MBLAC1: variants seen among roughly 807,000 people sequenced by gnomAD.
MBLAC1 encodes metallo-beta-lactamase domain-containing protein 1.
Under a neutral mutation model 1.5 loss-of-function variants are expected in MBLAC1, and 1 was observed. The observed-to-expected ratio is 0.68, with a 90% confidence interval of 0.24 to 3.21. MBLAC1 has a LOEUF of 3.21. Among genes scored for constraint, MBLAC1 ranks in the 30% most tolerant of loss-of-function variants. The probability of loss-of-function intolerance (pLI) is 0.20; values close to 1 mark genes in which losing one functional copy is unlikely to be tolerated. For missense variants in MBLAC1, 371 were observed against 384.7 expected, an observed-to-expected ratio of 0.96 and a Z score of 0.30; for synonymous variants, 197 against 191.3, an observed-to-expected ratio of 1.03 and a Z score of -0.25.
Position 100,127,897 on chromosome 7 carries a change from G to A in MBLAC1, c.502G>A (p.Gly168Ser). The A allele has an allele frequency of 6.4e-7, 1 of 1,568,604 alleles. No homozygotes were observed. Among genetic ancestry groups the A allele is most frequent in the Non-Finnish European group, 8.6e-7 (1 of 1,156,262 alleles). The change falls in exon 2 of 2, where the codon GGC becomes AGC. Residue 168 changes from glycine to serine, a missense_variant. Coordinates refer to ENST00000398075, the MANE Select transcript of MBLAC1 (RefSeq NM_203397.3). The surrounding 1 kb of genome is among the most constrained non-coding windows in gnomAD (Gnocchi z 4.6). ...GPGLEVWATP[G>S]HGGQRDVSVV... is the part of the protein sequence containing the mutation. Reference sequence around the variant, plus strand: ...GGGGCTCGAGGTGTGGGCCACGCCGGGCCACGGGGGCCAGCGCGACGTGAG... The same window carrying A: ...GGGGCTCGAGGTGTGGGCCACGCCGAGCCACGGGGGCCAGCGCGACGTGAG...
chr7:100,127,471 C>A lies in MBLAC1; in HGVS notation c.76C>A (p.Gln26Lys). 1.9e-6 allele frequency: 3 copies of A among 1,592,622 alleles called. No homozygotes were observed. The South Asian group carries it at 3.3e-5, about 18-fold the overall frequency. The change falls in exon 2 of 2, where the codon CAG becomes AAG. Residue 26 changes from glutamine to lysine, a missense_variant. Coordinates refer to ENST00000398075, the MANE Select transcript of MBLAC1 (RefSeq NM_203397.3). This position sits in a 1 kb window ranked among gnomAD's most constrained non-coding sequence, Gnocchi z 4.6. ...GDPYSVVVLL[Q>K]GYAEPEGVGD... ...CCCCTACTCTGTGGTGGTTCTGCTG[C>A]AGGGCTACGCGGAGCCAGAGGGTGT...
In MBLAC1 at chr7:100,127,368, C is replaced by T; in HGVS notation, c.-28C>T. ...ACTGCTCCATTTCCTTTCTCCCCAG[C>T]CCGTCCCTCCCTGCCAGGAGCAGCC... On this transcript the variant is annotated splice_region_variant and 5_prime_UTR_variant, in exon 2 of 2. Transcript: ENST00000398075. The surrounding 1 kb of genome is among the most constrained non-coding windows in gnomAD (Gnocchi z 4.6). The T allele has an allele frequency of 1.3e-6, 2 of 1,558,088 alleles. No individual in the cohort carries two copies. The highest frequency in any genetic ancestry group is 1.4e-5 in the African/African-American group (1 of 73,282).
Position 100,128,167 on chromosome 7 carries a change from G to A in MBLAC1, c.772G>A (p.Val258Ile). 2 of 1,600,380 alleles carry A rather than the reference G, an allele frequency of 1.2e-6. No homozygotes were observed. The highest frequency in any genetic ancestry group is 1.7e-6 in the Non-Finnish European group (2 of 1,173,690). Residue 258 changes from valine (V) to isoleucine (I), a missense_variant, in exon 2 of 2, where the codon GTC becomes ATC. By Grantham distance (29) the Val-to-Ile change is conservative (BLOSUM62 3). Coordinates refer to ENST00000398075, the MANE Select transcript of MBLAC1 (RefSeq NM_203397.3). ...AGGGAACAGCCAGCAGGAGCCGGTG[G>A]TCGGAGACGAGGAGCCCGCCCTGCA... is the stretch of plus-strand genomic sequence containing the variant. ...GGGNSQQEPVVGDEEPALH is the reference protein window; with the variant it reads ...GGGNSQQEPVIGDEEPALH
chr7:100,128,175 C>G lies in MBLAC1; in HGVS notation c.780C>G (p.Asp260Glu). 1 of 1,594,756 alleles carries G rather than the reference C, an allele frequency of 6.3e-7. No individual in the cohort carries two copies. The highest frequency in any genetic ancestry group is 8.5e-7 in the Non-Finnish European group (1 of 1,170,692). Reference protein sequence around the residue: ...GNSQQEPVVGDEEPALH With the variant: ...GNSQQEPVVGEEEPALH ...GCCAGCAGGAGCCGGTGGTCGGAGA[C>G]GAGGAGCCCGCCCTGCACTAATCAG... is the stretch of plus-strand genomic sequence containing the variant. Residue 260 changes from aspartate (D) to glutamate (E), a missense_variant, in exon 2 of 2, where the codon GAC (aspartate) becomes GAG (glutamate). Physicochemically the swap from Asp to Glu is conservative, Grantham distance 45. Transcript: ENST00000398075.
chr7:100,127,821 C>T lies in MBLAC1; in HGVS notation c.426C>T (p.Gly142=). The T allele has an allele frequency of 6.4e-7, 1 of 1,569,158 alleles. No homozygotes were observed. Among genetic ancestry groups the T allele is most frequent in the Non-Finnish European group, 8.6e-7 (1 of 1,156,496 alleles). Residue 142 remains glycine, a synonymous_variant, in exon 2 of 2, where the codon GGC becomes GGT. Coordinates refer to ENST00000398075, the MANE Select transcript of MBLAC1 (RefSeq NM_203397.3). This position sits in a 1 kb window ranked among gnomAD's most constrained non-coding sequence, Gnocchi z 4.6. ...CGCACGACTTCTGCCTTCCCGGAGGCCGCTACCTGCCCCACGGGCTGGGTG... is the reference window on the plus strand; with the variant it reads ...CGCACGACTTCTGCCTTCCCGGAGGTCGCTACCTGCCCCACGGGCTGGGTG... ...LVSHDFCLPG[G]RYLPHGLGEG...
chr7:100,127,910 A>C lies in MBLAC1; in HGVS notation c.515A>C (p.Gln172Pro), dbSNP rs201045178. The change falls in exon 2 of 2, where the codon CAG (glutamine) becomes CCG (proline). Residue 172 changes from glutamine to proline, a missense_variant. Gln to Pro is a moderately conservative substitution (Grantham distance 76, BLOSUM62 -1). Transcript: ENST00000398075. The surrounding 1 kb of genome is among the most constrained non-coding windows in gnomAD (Gnocchi z 4.6). ...EVWATPGHGG[Q>P]RDVSVVVAGT... is the part of the protein sequence containing the mutation. ...TGGGCCACGCCGGGCCACGGGGGCCAGCGCGACGTGAGCGTGGTGGTGGCC... is the reference window on the plus strand; with the variant it reads ...TGGGCCACGCCGGGCCACGGGGGCCCGCGCGACGTGAGCGTGGTGGTGGCC... 1.0e-3 allele frequency: 1,602 copies of C among 1,576,926 alleles called. 2 individuals are homozygous for C. The highest frequency in any genetic ancestry group is 3.6e-3 in the Admixed American group (191 of 53,768).
In MBLAC1 at chr7:100,127,971, T is replaced by C. The variant is rs1159795392; in HGVS notation, c.576T>C (p.Asp192=). ...TALGTVVVAG[D]VFERDGDEDS... ...TGGGCACCGTGGTGGTGGCGGGAGATGTGTTTGAGCGAGATGGGGACGAGG... is the reference window on the plus strand; with the variant it reads ...TGGGCACCGTGGTGGTGGCGGGAGACGTGTTTGAGCGAGATGGGGACGAGG... Residue 192 remains aspartate, a synonymous_variant, in exon 2 of 2, where the codon GAT becomes GAC. Coordinates refer to ENST00000398075, the MANE Select transcript of MBLAC1 (RefSeq NM_203397.3). The surrounding 1 kb of genome is among the most constrained non-coding windows in gnomAD (Gnocchi z 4.6). 6.2e-7 allele frequency: 1 copy of C among 1,610,376 alleles called. No individual in the cohort carries two copies. The highest frequency in any genetic ancestry group is 1.1e-5 in the South Asian group (1 of 90,556).
chr7:100,127,330 AG>A lies in MBLAC1; in HGVS notation c.-28-36del, dbSNP rs1228507764. 7.0e-7 allele frequency: 1 copy of A among 1,428,962 alleles called. No individual in the cohort carries two copies. The highest frequency in any genetic ancestry group is 2.7e-5 in the East Asian group (1 of 37,298). The allele number at this position is 1,428,962 out of a possible 1,614,324, so 88.5% of individuals were successfully genotyped here. A position where few individuals can be genotyped will look rare whatever the true frequency, so the allele number is the denominator to read the frequency against. ...CGCGGGTGGGGGATCGCGGAGGGACAGGACGGTCGCCCACTGCTCCATTTCC... is the reference window on the plus strand; with the variant it reads ...CGCGGGTGGGGGATCGCGGAGGGACAGACGGTCGCCCACTGCTCCATTTCC... On this transcript the variant is annotated intron_variant, in intron 1 of 1. Coordinates refer to ENST00000398075, the MANE Select transcript of MBLAC1 (RefSeq NM_203397.3). The surrounding 1 kb of genome is among the most constrained non-coding windows in gnomAD (Gnocchi z 4.6).
Position 100,127,626 on chromosome 7 carries a change from T to C in MBLAC1, c.231T>C (p.Arg77=), listed in dbSNP as rs1798260340. 1 of 1,396,700 alleles carries C rather than the reference T, an allele frequency of 7.2e-7. No individual in the cohort carries two copies. Among genetic ancestry groups the C allele is most frequent in the Non-Finnish European group, 9.2e-7 (1 of 1,081,744 alleles). 86.5% of individuals were successfully genotyped at this position (1,396,700 alleles called of 1,614,324 possible). A position where few individuals can be genotyped will look rare whatever the true frequency, so the allele number is the denominator to read the frequency against. The change falls in exon 2 of 2, where the codon CGT becomes CGC. Residue 77 remains arginine (R), a synonymous_variant. Transcript: ENST00000398075. This position sits in a 1 kb window ranked among gnomAD's most constrained non-coding sequence, Gnocchi z 4.6. The part of the protein sequence containing the change: ...GAEAALEEAA[R]GPILVDTGGP... ...AGGCCGCCCTGGAGGAGGCGGCCCG[T>C]GGCCCCATCCTGGTGGACACCGGGG...
chr7:100,126,984 A>C lies in MBLAC1; in HGVS notation c.-109A>C, dbSNP rs1254830864. 1 of 168,120 alleles carries C rather than the reference A, an allele frequency of 5.9e-6. No individual in the cohort carries two copies. Among genetic ancestry groups the C allele is most frequent in the Non-Finnish European group, 1.3e-5 (1 of 78,306 alleles). The allele number at this position is 168,120 out of a possible 1,614,324, so 10.4% of individuals were successfully genotyped here. On this transcript the variant is annotated 5_prime_UTR_variant, in exon 1 of 2. Coordinates refer to ENST00000398075, the MANE Select transcript of MBLAC1 (RefSeq NM_203397.3). ...CGGCCGCCATATCTGGGTACACGGG[A>C]ACCGCAGAGGACAAACTCTCACCCG...
chr7:100,127,469 T>C lies in MBLAC1; in HGVS notation c.74T>C (p.Leu25Pro), dbSNP rs750262314. 1.9e-6 allele frequency: 3 copies of C among 1,593,240 alleles called. No homozygotes were observed. Among genetic ancestry groups the C allele is most frequent in the Non-Finnish European group, 1.7e-6 (2 of 1,177,460 alleles). The stretch of plus-strand genomic sequence containing the variant: ...GACCCCTACTCTGTGGTGGTTCTGC[T>C]GCAGGGCTACGCGGAGCCAGAGGGT... Reference protein sequence around the residue: ...PGDPYSVVVLLQGYAEPEGVG... With the variant: ...PGDPYSVVVLPQGYAEPEGVG... The change falls in exon 2 of 2, where the codon CTG becomes CCG. Residue 25 changes from leucine (L) to proline (P), a missense_variant. Leu to Pro is a moderately conservative substitution (Grantham distance 98). Transcript: ENST00000398075. This position sits in a 1 kb window ranked among gnomAD's most constrained non-coding sequence, Gnocchi z 4.6.
Position 100,127,250 on chromosome 7 carries a change from T to C in MBLAC1, c.-28-118T>C, listed in dbSNP as rs1798247514. 1 of 767,172 alleles carries C rather than the reference T, an allele frequency of 1.3e-6. No homozygotes were observed. Among genetic ancestry groups the C allele is most frequent in the East Asian group, 3.1e-5 (1 of 32,192 alleles). 47.5% of individuals were successfully genotyped at this position (767,172 alleles called of 1,614,324 possible). On this transcript the variant is annotated intron_variant, in intron 1 of 1. Transcript: ENST00000398075. This position sits in a 1 kb window ranked among gnomAD's most constrained non-coding sequence, Gnocchi z 4.6. The stretch of plus-strand genomic sequence containing the variant: ...GGCAGGGGTTGAGGGTGATACCAAC[T>C]TAATGGGAGGCGGGTGGCAGAGAAC...
Position 100,127,512 on chromosome 7 carries a change from C to A in MBLAC1, c.117C>A (p.Arg39=), listed in dbSNP as rs1481736161. Residue 39 remains arginine, a synonymous_variant, in exon 2 of 2, where the codon CGC becomes CGA. Coordinates refer to ENST00000398075, the MANE Select transcript of MBLAC1 (RefSeq NM_203397.3). This position sits in a 1 kb window ranked among gnomAD's most constrained non-coding sequence, Gnocchi z 4.6. The part of the protein sequence containing the change: ...AEPEGVGDAV[R]ADGSVTLVLP... ...CAGAGGGTGTGGGCGATGCCGTGCG[C>A]GCCGACGGCTCCGTGACCCTGGTCC... 1.3e-6 allele frequency: 2 copies of A among 1,572,984 alleles called. No individual in the cohort carries two copies. The highest frequency in any genetic ancestry group is 2.8e-5 in the African/African-American group (2 of 72,236).
chr7:100,127,411 C>T lies in MBLAC1; in HGVS notation c.16C>T (p.Leu6=). The T allele has an allele frequency of 6.3e-7, 1 of 1,592,638 alleles. No individual in the cohort carries two copies. The highest frequency in any genetic ancestry group is 8.5e-7 in the Non-Finnish European group (1 of 1,177,362). The change falls in exon 2 of 2, where the codon CTG becomes TTG. Residue 6 remains leucine, a synonymous_variant. Coordinates refer to ENST00000398075, the MANE Select transcript of MBLAC1 (RefSeq NM_203397.3). The surrounding 1 kb of genome is among the most constrained non-coding windows in gnomAD (Gnocchi z 4.6). ...GAGCAGCCTCATGCGGACCGAGCCG[C>T]TGTGCGGGGCATCCCCTCTGCTGGT... MRTEP[L]CGASPLLVPG... is the part of the protein sequence containing the mutation.
At position 100,127,262 on chromosome 7, in the gene MBLAC1, GGGTGGCA is replaced by G; in HGVS notation, c.-28-104_-28-98del. The G allele has an allele frequency of 1.2e-6, 1 of 812,468 alleles. No individual in the cohort carries two copies. The allele number at this position is 812,468 out of a possible 1,614,324, so 50.3% of individuals were successfully genotyped here. A position where few individuals can be genotyped will look rare whatever the true frequency, so the allele number is the denominator to read the frequency against. ...GGGTGATACCAACTTAATGGGAGGCGGGTGGCAGAGAACCGAGGCTTAGGGGCAGTGG... is the reference window on the plus strand; with the variant it reads ...GGGTGATACCAACTTAATGGGAGGCGGAGAACCGAGGCTTAGGGGCAGTGG... On this transcript the variant is annotated intron_variant, in intron 1 of 1. Coordinates refer to ENST00000398075, the MANE Select transcript of MBLAC1 (RefSeq NM_203397.3). This position sits in a 1 kb window ranked among gnomAD's most constrained non-coding sequence, Gnocchi z 4.6.
chr7:100,128,154 G>A lies in MBLAC1; in HGVS notation c.759G>A (p.Gln253=), dbSNP rs1451689833. 6.2e-7 allele frequency: 1 copy of A among 1,603,920 alleles called. No homozygotes were observed. The highest frequency in any genetic ancestry group is 1.3e-5 in the African/African-American group (1 of 74,788). ...QPETEGGGNS[Q]QEPVVGDEEP... is the part of the protein sequence containing the mutation. ...AGACGGAGGGTGGAGGGAACAGCCAGCAGGAGCCGGTGGTCGGAGACGAGG... is the reference window on the plus strand; with the variant it reads ...AGACGGAGGGTGGAGGGAACAGCCAACAGGAGCCGGTGGTCGGAGACGAGG... The change falls in exon 2 of 2, where the codon CAG becomes CAA. Residue 253 remains glutamine (Q), a synonymous_variant. Coordinates refer to ENST00000398075, the MANE Select transcript of MBLAC1 (RefSeq NM_203397.3).
chr7:100,127,517 A>C lies in MBLAC1; in HGVS notation c.122A>C (p.Asp41Ala), dbSNP rs771373915. The C allele has an allele frequency of 1.8e-5, 29 of 1,570,604 alleles. No homozygotes were observed. The highest frequency in any genetic ancestry group is 7.0e-5 in the Admixed American group (4 of 57,384). ...GGTGTGGGCGATGCCGTGCGCGCCG[A>C]CGGCTCCGTGACCCTGGTCCTACCC... ...PEGVGDAVRA[D>A]GSVTLVLPQT... Residue 41 changes from aspartate (D) to alanine (A), a missense_variant, in exon 2 of 2, where the codon GAC (aspartate) becomes GCC (alanine). Transcript: ENST00000398075. The surrounding 1 kb of genome is among the most constrained non-coding windows in gnomAD (Gnocchi z 4.6).
chr7:100,128,021 A>T lies in MBLAC1; in HGVS notation c.626A>T (p.Asp209Val), dbSNP rs2116917242. 2 of 1,613,122 alleles carry T rather than the reference A, an allele frequency of 1.2e-6. No homozygotes were observed. Among genetic ancestry groups the T allele is most frequent in the East Asian group, 4.5e-5 (2 of 44,842 alleles). Residue 209 changes from aspartate to valine, a missense_variant, in exon 2 of 2, where the codon GAC becomes GTC. Transcript: ENST00000398075. ...GATTCGTGGCAGGCACTGAGTGAAGACCCCGCAGCCCAGGAGCGGAGCCGG... is the reference window on the plus strand; with the variant it reads ...GATTCGTGGCAGGCACTGAGTGAAGTCCCCGCAGCCCAGGAGCGGAGCCGG... ...DEDSWQALSE[D>V]PAAQERSRKR...
Position 100,127,768 on chromosome 7 carries a change from C to A in MBLAC1, c.373C>A (p.Leu125Met). ...GHSDHIGNLG[L>M]FPGAALLVSH... is the part of the protein sequence containing the mutation. Reference sequence around the variant, plus strand: ...CTCGGATCACATCGGGAACTTGGGGCTGTTCCCAGGCGCGGCTCTGCTGGT... The same window carrying A: ...CTCGGATCACATCGGGAACTTGGGGATGTTCCCAGGCGCGGCTCTGCTGGT... Residue 125 changes from leucine to methionine, a missense_variant, in exon 2 of 2, where the codon CTG becomes ATG. Coordinates refer to ENST00000398075, the MANE Select transcript of MBLAC1 (RefSeq NM_203397.3). This position sits in a 1 kb window ranked among gnomAD's most constrained non-coding sequence, Gnocchi z 4.6. 2 of 1,554,890 alleles carry A rather than the reference C, an allele frequency of 1.3e-6. No homozygotes were observed. Among genetic ancestry groups the A allele is most frequent in the South Asian group, 1.2e-5 (1 of 80,914 alleles).
Sources: gnomAD v4.1 joint callset for allele counts on GRCh38, gnomAD v4.1.1 for gene constraint, Gnocchi (gnomAD v3.1) non-coding constraint, MANE v1.5 for transcripts, NCBI Gene and HGNC (gene_info 2026-07-23, HGNC 2026-07-21) for gene names.